RP1: variants seen among roughly 807,000 people sequenced by gnomAD.
RP1 encodes RP1 axonemal microtubule associated.
In RP1, 16 loss-of-function variants were observed where a neutral mutation model predicts 14.8. The observed-to-expected ratio is 1.08, with a 90% CI of 0.73 to 1.65. The LOEUF is 1.65. RP1 is among the 40% of genes most tolerant of loss of function. RP1 has a pLI of 0.00. For synonymous variants in RP1, 876 were observed against 883.6 expected (o/e 0.99, Z 0.15); for missense variants, 2,631 against 2,535.0 (o/e 1.04, Z -0.81).
chr8:54,762,813 C>T (rs150945573), intron 22 of RP1, among the ~76,000 whole-genome samples: 21 of 152,322 alleles, frequency 1.4e-4, no homozygotes, highest in African/African-American at 5.1e-4. Flanking sequence ...GCCCTTCCCA[C>T]TTCTGCTGCA....
At chr8:54,839,417 G>A (rs1334561126) in intron 25 of RP1, among the ~76,000 whole-genome samples, 1 of 152,210 alleles carries the variant, frequency 6.6e-6, no homozygotes, top group African/African-American at 2.4e-5. Context: ...TGAGCCAGGA[G>A]TAATGAGCAC....
In RP1 at chr8:54,625,443, A is replaced by C. The variant is rs1806010463; in HGVS notation, c.1561A>C (p.Asn521His). 6.2e-7 allele frequency: 1 copy of C among 1,613,914 alleles called. No homozygotes were observed. Among genetic ancestry groups the C allele is most frequent in the Non-Finnish European group, 8.5e-7 (1 of 1,180,042 alleles). Residue 521 changes from asparagine to histidine, a missense_variant, in exon 4 of 4, where the codon AAT becomes CAT. By Grantham distance (68) the Asn-to-His change is moderately conservative. Transcript: ENST00000220676. ...TAACAAACCAGTACTTGTTCAGATC[A>C]ATAACAATGATCAAATGGAGGAGTC... ...VSNKPVLVQI[N>H]NNDQMEESSL...
intron 12 of RP1, among the ~76,000 whole-genome samples, chr8:54,690,352 T>C (rs902196461): frequency 6.6e-6 from 1 of 152,106 alleles, no homozygotes; most frequent in African/African-American, 2.4e-5. Context: ...GGTTTATTAG[T>C]GTATAACACT....
chr8:54,572,524 C>T (rs28525667), intron 1 of RP1, among the ~76,000 whole-genome samples: 7 of 152,168 alleles, frequency 4.6e-5, no homozygotes, highest in Admixed American at 3.9e-4. Flanking sequence ...AAGACCCTTT[C>T]GACTGGAACC....
chr8:54,581,425 T>C (rs1804789927), intron 1 of RP1, among the ~76,000 whole-genome samples: 1 of 152,250 alleles, frequency 6.6e-6, no homozygotes, highest in Non-Finnish European at 1.5e-5. Flanking sequence ...TTTGGGTTGG[T>C]TCCAAGTCTT....
chr8:54,614,804 C>A (rs1280258300), upstream of RP1, among the ~76,000 whole-genome samples: 1 of 152,150 alleles, frequency 6.6e-6, no homozygotes, highest in African/African-American at 2.4e-5. Flanking sequence ...CCTGGCCCAC[C>A]TTTGATAAGT....
rs756635671 is a variant in RP1, at chr8:54,629,680, G to A, written c.5798G>A (p.Arg1933Gln). ...ATCCAACCCATGAATGAGGAAGACC[G>A]AGGATTTGCATATCGCAAAGAATCT... ...VIIQPMNEEDRGFAYRKESDI... is the reference protein window; with the variant it reads ...VIIQPMNEEDQGFAYRKESDI... The change falls in exon 4 of 4, where the codon CGA becomes CAA. Residue 1933 changes from arginine to glutamine, a missense_variant. By Grantham distance (43) the Arg-to-Gln change is conservative (BLOSUM62 1). Coordinates refer to ENST00000220676, the MANE Select transcript of RP1 (RefSeq NM_006269.2). The A allele has an allele frequency of 8.1e-6, 13 of 1,613,526 alleles. No homozygotes were observed. The highest frequency in any genetic ancestry group is 1.6e-4 in the Middle Eastern group (1 of 6,084).
chr8:54,623,038 A>G (rs1805924974), intron 3 of RP1, among the ~76,000 whole-genome samples: 1 of 152,156 alleles, frequency 6.6e-6, no homozygotes, highest in Admixed American at 6.5e-5. Context: ...TATTCTCTTT[A>G]GACTTGGATA....
At chr8:54,696,720 C>T in intron 12 of RP1, 1 of 722,022 alleles carries the variant, frequency 1.4e-6, no homozygotes, top group East Asian at 2.5e-5. Context: ...AGAACCACTT[C>T]AAGACTTCGC....
intron 26 of RP1, among the ~76,000 whole-genome samples, chr8:54,855,990 T>G (rs543585181): frequency 5.3e-5 from 8 of 150,966 alleles, no homozygotes; most frequent in Non-Finnish European, 1.0e-4. Flanking sequence ...AACCCAGCTG[T>G]TTCCCAACAT....
intron 24 of RP1, among the ~76,000 whole-genome samples, chr8:54,792,657 A>G (rs935255352): frequency 1.3e-5 from 2 of 151,948 alleles, no homozygotes; most frequent in African/African-American, 4.8e-5. Context: ...ACAAATGAAA[A>G]TACAACATAC....
At chr8:54,716,251 G>C (rs892869575) in intron 15 of RP1, among the ~76,000 whole-genome samples, 1 of 152,098 alleles carries the variant, frequency 6.6e-6, no homozygotes, top group Admixed American at 6.5e-5. Flanking sequence ...TGCTTAGTTT[G>C]ACTGATGGAT....
intron 15 of RP1, among the ~76,000 whole-genome samples, chr8:54,713,833 C>A (rs1455817956): frequency 6.6e-6 from 1 of 152,118 alleles, no homozygotes; most frequent in South Asian, 2.1e-4. Context: ...TAGCTACATG[C>A]AAGATAAATT....
intron 3 of RP1, among the ~76,000 whole-genome samples, chr8:54,623,910 C>T (rs940888513): frequency 6.6e-6 from 1 of 152,114 alleles, no homozygotes; most frequent in Non-Finnish European, 1.5e-5. Flanking sequence ...TGGTTAGACT[C>T]CAGTTTCAGT....
At chr8:54,651,280 A>G (rs1282330441) in intron 4 of RP1, among the ~76,000 whole-genome samples, 1 of 152,174 alleles carries the variant, frequency 6.6e-6, no homozygotes, top group African/African-American at 2.4e-5. Context: ...TGTTATCAGC[A>G]TAATGCTGAC....
At chr8:54,828,269 C>T (rs1811433004) in intron 24 of RP1, among the ~76,000 whole-genome samples, 1 of 152,180 alleles carries the variant, frequency 6.6e-6, no homozygotes, top group Admixed American at 6.5e-5. Flanking sequence ...ATTTGTTTGG[C>T]CCCACCAAGC....
intron 27 of RP1, among the ~76,000 whole-genome samples, chr8:54,865,589 AT>A (rs964687948): frequency 4.6e-5 from 7 of 151,638 alleles, no homozygotes; most frequent in African/African-American, 7.3e-5. Context: ...TTTTTAAATA[AT>A]TTTTTTTTAA....
intron 17 of RP1, among the ~76,000 whole-genome samples, chr8:54,727,876 TAA>T (rs1808695803): frequency 6.6e-6 from 1 of 151,810 alleles, no homozygotes; most frequent in Admixed American, 6.6e-5. Context: ...AAATAAAATT[TAA>T]GTCAATAATT....
intron 1 of RP1, among the ~76,000 whole-genome samples, chr8:54,594,284 A>G (rs1404322959): frequency 6.7e-6 from 1 of 148,556 alleles, no homozygotes; most frequent in East Asian, 2.0e-4. Context: ...TCATTCCTGA[A>G]CTCTGAGAGA....
Sources: allele counts gnomAD v4.1 joint callset (sites outside exome capture counted in the v4.1 genomes callset), GRCh38; gene constraint gnomAD v4.1.1; transcripts MANE v1.5; gene names NCBI Gene and HGNC (gene_info 2026-07-23, HGNC 2026-07-21).